The following SPARCL1 variants were observed in gnomAD, a reference collection of about 807,000 sequenced individuals.
SPARCL1 encodes SPARC-like protein 1.
In SPARCL1, 52 loss-of-function variants were observed where a neutral mutation model predicts 67.1. The ratio of observed to expected loss-of-function variants is 0.78; its 90% CI spans 0.62 to 0.98. The LOEUF (loss-of-function observed/expected upper bound fraction) is 0.98. Ranked by LOEUF, SPARCL1 falls within the 50% of genes least tolerant of loss-of-function variation. SPARCL1 has a pLI of 0.00. For missense variants in SPARCL1, 717 were observed against 782.4 expected (o/e 0.92, Z 1.00); for synonymous variants, 226 against 267.8 (o/e 0.84, Z 1.52).
intron 1 of SPARCL1, among the ~76,000 whole-genome samples, chr4:87,518,400 G>A (rs191434017): frequency 6.6e-6 from 1 of 152,330 alleles, no homozygotes; most frequent in East Asian, 1.9e-4. Context: ...GTTTGAGGCT[G>A]CAGTTATCTC....
At chr4:87,477,128 G>T (rs898780074) in intron 10 of SPARCL1, among the ~76,000 whole-genome samples, 1 of 152,170 alleles carries the variant, frequency 6.6e-6, no homozygotes, top group African/African-American at 2.4e-5. Flanking sequence ...CCAGACAACC[G>T]CCCAGCGGAG....
intron 1 of SPARCL1, among the ~76,000 whole-genome samples, chr4:87,512,210 C>A (rs968562278): frequency 3.3e-5 from 5 of 152,024 alleles, no homozygotes; most frequent in Admixed American, 2.0e-4. Flanking sequence ...TCAGGTGATC[C>A]ACCTGCCTCA....
At chr4:87,474,744 T>TC (rs1553967443) in intron 10 of SPARCL1, among the ~76,000 whole-genome samples, 41,113 of 82,872 alleles carry the variant, frequency 0.5, 6,698 homozygotes, top group East Asian at 0.64. Context: ...TCTCTCTCTC[T>TC]TTTTTTTTTT....
intron 1 of SPARCL1, among the ~76,000 whole-genome samples, chr4:87,502,197 G>A (rs1370729027): frequency 6.6e-6 from 1 of 151,918 alleles, no homozygotes; most frequent in Non-Finnish European, 1.5e-5. Flanking sequence ...ACATATTCAT[G>A]GGGTACATAG....
At chr4:87,508,664 TAG>T (rs1469531178) in intron 1 of SPARCL1, among the ~76,000 whole-genome samples, 4 of 151,096 alleles carry the variant, frequency 2.6e-5, no homozygotes, top group Non-Finnish European at 5.9e-5. Flanking sequence ...AATAGAAGAT[TAG>T]AGAGAGAGAA....
Position 87,482,457 on chromosome 4 carries a change from G to T in SPARCL1, c.1635C>A (p.His545Gln). The T allele has an allele frequency of 6.2e-7, 1 of 1,613,846 alleles. No homozygotes were observed. The change falls in exon 8 of 11, where the codon CAC becomes CAA. Residue 545 changes from histidine to glutamine, a missense_variant. Transcript: ENST00000282470. The stretch of plus-strand genomic sequence containing the variant: ...TCTGCTTCTCATTTAGATAACCAGC[G>T]TGTTCAGAGTTGGCTTCATAAAGCT... Reference protein sequence around the residue: ...LMQLYEANSEHAGYLNEKQRN... With the variant: ...LMQLYEANSEQAGYLNEKQRN...
intron 1 of SPARCL1, among the ~76,000 whole-genome samples, chr4:87,503,318 C>T (rs1360010714): frequency 6.6e-6 from 1 of 152,198 alleles, no homozygotes; most frequent in African/African-American, 2.4e-5. Flanking sequence ...TGAATGGCTT[C>T]CTTCTTTGTC....
intron 10 of SPARCL1, among the ~76,000 whole-genome samples, chr4:87,475,127 A>G (rs1319003421): frequency 6.6e-6 from 1 of 152,138 alleles, no homozygotes; most frequent in Non-Finnish European, 1.5e-5. Flanking sequence ...CCTTTTTTAG[A>G]AAATGCTCTG....
At position 87,473,399 on chromosome 4, in the gene SPARCL1, A is replaced by G. The variant is rs960675093; in HGVS notation, c.*376T>C. 1 of 160,872 alleles carries G rather than the reference A, an allele frequency of 6.2e-6. No homozygotes were observed. The highest frequency in any genetic ancestry group is 1.4e-5 in the Non-Finnish European group (1 of 74,032). The allele number at this position is 160,872 out of a possible 1,614,324, so 10.0% of individuals were successfully genotyped here. ...TTGAAAATAATACACGTAAACCACA[A>G]AAGAGTAGCATTCCATTTTCTTGAA... On this transcript the variant is annotated 3_prime_UTR_variant, in exon 11 of 11. Transcript: ENST00000282470.
In SPARCL1 at chr4:87,495,090, G is replaced by T. The variant is rs1361813517; in HGVS notation, c.92C>A (p.Thr31Asn). The change falls in exon 3 of 11, where the codon ACT becomes AAT. Residue 31 changes from threonine (T) to asparagine (N), a missense_variant. Physicochemically the swap from Thr to Asn is moderately conservative, Grantham distance 65 (BLOSUM62 0). Transcript: ENST00000282470. ...ARLLSDHSKP[T>N]AETVAPDNTA... ...GTTGTCAGGTGCTACCGTTTCAGCA[G>T]TTGGTTTGGAATGATCAGATAATAA... is the stretch of plus-strand genomic sequence containing the variant. The T allele has an allele frequency of 1.9e-6, 3 of 1,611,376 alleles. No homozygotes were observed. Among genetic ancestry groups the T allele is most frequent in the African/African-American group, 2.7e-5 (2 of 74,706 alleles).
intron 1 of SPARCL1, among the ~76,000 whole-genome samples, chr4:87,524,875 A>G (rs1054898633): frequency 6.6e-6 from 1 of 152,178 alleles, no homozygotes; most frequent in African/African-American, 2.4e-5. Flanking sequence ...TAATCATACA[A>G]TGATCATCTT....
At chr4:87,503,481 A>G (rs544303779) in intron 1 of SPARCL1, among the ~76,000 whole-genome samples, 64 of 151,830 alleles carry the variant, frequency 4.2e-4, no homozygotes, top group Non-Finnish European at 8.7e-4. Context: ...TTCTTTTCCT[A>G]TCATTATTCT....
rs761369219 is a variant in SPARCL1 at position 87,473,807 on chromosome 4, TA to T, written c.1967-5del. ...AAGAGATTTTCATCTATGTCCTCTA[TA>T]AAAAAACAAGAAGCAAAATGACACT... On this transcript the variant is annotated splice_polypyrimidine_tract_variant and splice_region_variant and intron_variant, in intron 10 of 10. Coordinates refer to ENST00000282470, the MANE Select transcript of SPARCL1 (RefSeq NM_004684.6). 4 of 1,603,306 alleles carry T rather than the reference TA, an allele frequency of 2.5e-6. No homozygotes were observed. Among genetic ancestry groups the T allele is most frequent in the East Asian group, 2.2e-5 (1 of 44,742 alleles).
intron 1 of SPARCL1, among the ~76,000 whole-genome samples, chr4:87,514,770 A>T (rs557638761): frequency 1.3e-5 from 2 of 152,342 alleles, no homozygotes; most frequent in African/African-American, 4.8e-5. Context: ...AAATGTGCTG[A>T]TTGTATAAAT....
At chr4:87,523,272 A>AAG (rs1553899702) in intron 1 of SPARCL1, among the ~76,000 whole-genome samples, 2,214 of 151,956 alleles carry the variant, frequency 0.015, 51 homozygotes, top group African/African-American at 0.05. Context: ...AAAAAAAAAA[A>AAG]AATCTCAAGC....
In SPARCL1 at chr4:87,480,450, TC is replaced by T; in HGVS notation, c.1738del (p.Asp580ThrfsTer29). 2 of 1,613,314 alleles carry T rather than the reference TC, an allele frequency of 1.2e-6. No homozygotes were observed. The highest frequency in any genetic ancestry group is 1.7e-6 in the Non-Finnish European group (2 of 1,179,566). ...GDHPIDLLLRDFKKNYHMYVY... is the reference protein window; with the variant it reads ...GDHPIDLLLRXFKKNYHMYVY... ...ATACATGTGGTAGTTTTTCTTAAAG[TC>T]CCTTAAGAGAAGATCAATGGGATGG... On this transcript the variant is annotated frameshift_variant, in exon 9 of 11. Transcript: ENST00000282470. LOFTEE classifies it high-confidence loss of function.
intron 10 of SPARCL1, among the ~76,000 whole-genome samples, chr4:87,479,179 C>T (rs1723703275): frequency 6.6e-6 from 1 of 152,212 alleles, no homozygotes; most frequent in East Asian, 1.9e-4. Context: ...TCTTTCTAGG[C>T]TTAGCTGACT....
rs1292178655 is a variant in SPARCL1 at position 87,493,829 on chromosome 4, G to A, written c.971C>T (p.Pro324Leu). ...KTVSEALLME[P>L]TDDGNTTPRN... is the part of the protein sequence containing the mutation. ...GGGCGTGGTATTACCATCATCAGTA[G>A]GTTCCATGAGCAGAGCCTCAGAAAC... Residue 324 changes from proline to leucine, a missense_variant, in exon 4 of 11, where the codon CCT becomes CTT. Coordinates refer to ENST00000282470, the MANE Select transcript of SPARCL1 (RefSeq NM_004684.6). 21 of 1,613,960 alleles carry A rather than the reference G, an allele frequency of 1.3e-5. No individual in the cohort carries two copies. Among genetic ancestry groups the A allele is most frequent in the Admixed American group, 1.7e-5 (1 of 59,990 alleles).
chr4:87,497,100 T>C, intron 2 of SPARCL1: 1 of 365,016 alleles, frequency 2.7e-6, no homozygotes, highest in Non-Finnish European at 3.8e-6. Context: ...CAGGCTGGTC[T>C]CAAACTCCTG....
Sources: gnomAD v4.1 joint callset for allele counts (sites outside exome capture counted in the v4.1 genomes callset) on GRCh38, gnomAD v4.1.1 for gene constraint, MANE v1.5 for transcripts, NCBI Gene and HGNC (gene_info 2026-07-23, HGNC 2026-07-21) for gene names.